The following RAPGEF4 variants were observed in gnomAD, a reference collection of about 807,000 sequenced individuals.
RAPGEF4 encodes RAP guanine-nucleotide-exchange factor (GEF) 4.
Under a neutral mutation model 147.9 loss-of-function variants are expected in RAPGEF4, and 66 were observed. The observed-to-expected ratio is 0.45, with a 90% CI of 0.37 to 0.55. The LOEUF is 0.55. Among genes scored for constraint, RAPGEF4 ranks in the 20% least tolerant of loss-of-function variants. The probability of loss-of-function intolerance (pLI) is 0.00; values close to 1 mark genes in which losing one functional copy is unlikely to be tolerated. For synonymous variants in RAPGEF4, 419 were observed against 442.7 expected (o/e 0.95, Z 0.67); for missense variants, 1,071 against 1,257.3 (o/e 0.85, Z 2.24).
At chr2:173,015,276 G>T (rs922590434) in intron 18 of RAPGEF4, among the ~76,000 whole-genome samples, 1 of 152,142 alleles carries the variant, frequency 6.6e-6, no homozygotes, top group Non-Finnish European at 1.5e-5. Context: ...GCACTTCCCC[G>T]TTCCTTCCCG....
At chr2:172,837,285 T>C (rs558488521) in intron 4 of RAPGEF4, among the ~76,000 whole-genome samples, 5 of 152,254 alleles carry the variant, frequency 3.3e-5, no homozygotes, top group African/African-American at 9.6e-5. Context: ...CCTAACAACA[T>C]TGGCCGGTGG....
chr2:172,880,831 C>T (rs1033634005), intron 4 of RAPGEF4, among the ~76,000 whole-genome samples: 2 of 152,204 alleles, frequency 1.3e-5, no homozygotes, highest in African/African-American at 4.8e-5. Context: ...AGATAGTGAA[C>T]GCAAAGCTTT....
intron 17 of RAPGEF4, among the ~76,000 whole-genome samples, chr2:173,004,408 C>T (rs1694242705): frequency 6.6e-6 from 1 of 152,004 alleles, no homozygotes. Flanking sequence ...TTCAATTTTC[C>T]TTTAGTCTTC....
chr2:172,878,427 T>C (rs1030162642), intron 4 of RAPGEF4, among the ~76,000 whole-genome samples: 2 of 152,194 alleles, frequency 1.3e-5, no homozygotes, highest in African/African-American at 4.8e-5. Flanking sequence ...TGTTCATTTC[T>C]AGGAAGGACT....
chr2:173,046,506 T>G (rs1410277571), intron 29 of RAPGEF4, among the ~76,000 whole-genome samples: 1 of 152,226 alleles, frequency 6.6e-6, no homozygotes, highest in African/African-American at 2.4e-5. Context: ...TTTCGGTAAT[T>G]ACACTCCATT....
At chr2:173,011,895 G>T (rs1575514506) in intron 17 of RAPGEF4, among the ~76,000 whole-genome samples, 1 of 148,632 alleles carries the variant, frequency 6.7e-6, no homozygotes, top group Non-Finnish European at 1.5e-5. Flanking sequence ...GTCCTATCTT[G>T]GGGTTATTTT....
intron 1 of RAPGEF4, among the ~76,000 whole-genome samples, chr2:172,748,386 T>C (rs1694961030): frequency 1.3e-5 from 2 of 152,190 alleles, no homozygotes; most frequent in African/African-American, 4.8e-5. Flanking sequence ...TGGGGAGGCC[T>C]TATAATCATG....
At chr2:172,924,497 G>A (rs183708113) in intron 6 of RAPGEF4, among the ~76,000 whole-genome samples, 48 of 152,304 alleles carry the variant, frequency 3.2e-4, no homozygotes, top group Admixed American at 1.2e-3. Context: ...CTAGGCTATT[G>A]TAGGTCAGAT....
In RAPGEF4 at chr2:173,042,899, C is replaced by T. The variant is rs1165833750; in HGVS notation, c.2854-5701C>T. ...TACCGTAAGCATCATGCATGTGTTA[C>T]ACATGCGTATCTGCATGTCATACAC... On this transcript the variant is annotated intron_variant, in intron 29 of 30. Transcript: ENST00000397081. The surrounding 1 kb of genome is among the most constrained non-coding windows in gnomAD (Gnocchi z 4.2). Among the ~76,000 whole-genome samples, 1 of 152,224 alleles carries T rather than the reference C, an allele frequency of 6.6e-6. No individual in the cohort carries two copies. Among genetic ancestry groups the T allele is most frequent in the African/African-American group, 2.4e-5 (1 of 41,454 alleles).
chr2:172,777,075 T>G (rs190936583), intron 1 of RAPGEF4, among the ~76,000 whole-genome samples: 1 of 152,306 alleles, frequency 6.6e-6, no homozygotes, highest in East Asian at 1.9e-4. Context: ...AGCTTCCATT[T>G]TCCTAGGCAG....
At chr2:172,860,083 G>T in intron 4 of RAPGEF4, 34 of 985,424 alleles carry the variant, frequency 3.5e-5, no homozygotes, top group Non-Finnish European at 4.0e-5. Context: ...CTAAAGAAAG[G>T]TAGGATGCAT....
intron 6 of RAPGEF4, among the ~76,000 whole-genome samples, chr2:172,926,063 G>A (rs1406610764): frequency 3.6e-4 from 43 of 119,234 alleles, no homozygotes; most frequent in African/African-American, 1.2e-3. Flanking sequence ...GGGAGGGAGG[G>A]AAGTCAGGCA....
At chr2:172,962,327 C>T (rs1385122979) in intron 8 of RAPGEF4, among the ~76,000 whole-genome samples, 2 of 152,066 alleles carry the variant, frequency 1.3e-5, no homozygotes, top group Admixed American at 1.3e-4. Flanking sequence ...TTCACAGGAA[C>T]CAAATTCATA....
intron 4 of RAPGEF4, among the ~76,000 whole-genome samples, chr2:172,915,358 G>C (rs6758260): frequency 1.4e-4 from 22 of 152,156 alleles, no homozygotes; most frequent in African/African-American, 5.1e-4. Context: ...TTGGGAAAAA[G>C]GAGTCTTTAT....
At chr2:173,019,942 T>C (rs1055105705) in intron 22 of RAPGEF4, among the ~76,000 whole-genome samples, 4 of 152,254 alleles carry the variant, frequency 2.6e-5, no homozygotes, top group Non-Finnish European at 5.9e-5. Context: ...TTCTTTTCTT[T>C]ATTGTTGGCA....
At chr2:173,031,638 C>G (rs899304486) in intron 26 of RAPGEF4, among the ~76,000 whole-genome samples, 1 of 152,200 alleles carries the variant, frequency 6.6e-6, no homozygotes, top group Non-Finnish European at 1.5e-5. Flanking sequence ...TCTGAACCCT[C>G]TTTCCCAGTC....
Position 173,016,331 on chromosome 2 carries a change from G to T in RAPGEF4, c.1810-18G>T. The T allele has an allele frequency of 6.3e-7, 1 of 1,583,210 alleles. No individual in the cohort carries two copies. Among genetic ancestry groups the T allele is most frequent in the South Asian group, 1.1e-5 (1 of 90,356 alleles). On this transcript the variant is annotated intron_variant, in intron 18 of 30. Coordinates refer to ENST00000397081, the MANE Select transcript of RAPGEF4 (RefSeq NM_007023.4). Reference sequence around the variant, plus strand: ...TTTGCAGTTCTTGTTAAAAGCCTGTGACTTTTGCCAATTACAGGAGTTTTA... The same window carrying T: ...TTTGCAGTTCTTGTTAAAAGCCTGTTACTTTTGCCAATTACAGGAGTTTTA...
chr2:172,783,759 C>T (rs1399660198), intron 1 of RAPGEF4, among the ~76,000 whole-genome samples: 1 of 147,778 alleles, frequency 6.8e-6, no homozygotes, highest in African/African-American at 2.5e-5. Flanking sequence ...TGTGTATGTG[C>T]TTGTGTGTAT....
intron 11 of RAPGEF4, among the ~76,000 whole-genome samples, chr2:172,984,981 G>A (rs775003025): frequency 2.0e-5 from 3 of 152,148 alleles, no homozygotes; most frequent in Non-Finnish European, 4.4e-5. Context: ...ATATAAATGT[G>A]TTCGTTCATT....
Sources: gnomAD v4.1 joint callset for allele counts (sites outside exome capture counted in the v4.1 genomes callset) on GRCh38, gnomAD v4.1.1 for gene constraint, Gnocchi (gnomAD v3.1) non-coding constraint, MANE v1.5 for transcripts, NCBI Gene and HGNC (gene_info 2026-07-23, HGNC 2026-07-21) for gene names.